The following HCN1 variants were observed in gnomAD, a reference collection of about 807,000 sequenced individuals.
HCN1 encodes hyperpolarization activated cyclic nucleotide gated potassium channel 1, also known as potassium/sodium hyperpolarization-activated cyclic nucleotide-gated channel 1.
A neutral mutation model predicts 78.9 loss-of-function variants in HCN1; 13 were observed. The observed-to-expected ratio is 0.16, with a 90% confidence interval of 0.11 to 0.26. The LOEUF is 0.26. Ranked by LOEUF, HCN1 falls within the 10% of genes least tolerant of loss-of-function variation. HCN1 has a pLI of 1.00. For missense variants in HCN1, 810 were observed against 1,154.3 expected (o/e 0.70, Z 4.32); for synonymous variants, 552 against 455.5 (o/e 1.21, Z -2.70).
At chr5:45,543,043 A>C (rs1158099274) in intron 2 of HCN1, among the ~76,000 whole-genome samples, 1 of 152,128 alleles carries the variant, frequency 6.6e-6, no homozygotes, top group Non-Finnish European at 1.5e-5. Flanking sequence ...GATGGTCCCC[A>C]AAGTTGCCAA....
intron 4 of HCN1, among the ~76,000 whole-genome samples, chr5:45,367,067 A>G (rs1021938996): frequency 2.6e-5 from 4 of 151,832 alleles, no homozygotes; most frequent in Non-Finnish European, 4.4e-5. Context: ...TATAAACACT[A>G]TAATGATCAT....
intron 4 of HCN1, among the ~76,000 whole-genome samples, chr5:45,363,487 C>G (rs1029535269): frequency 1.3e-5 from 2 of 151,860 alleles, no homozygotes; most frequent in Non-Finnish European, 2.9e-5. Context: ...CTACACAGTT[C>G]CTCAGAGAGT....
chr5:45,283,772 C>G (rs552248357), intron 6 of HCN1, among the ~76,000 whole-genome samples: 2 of 152,214 alleles, frequency 1.3e-5, no homozygotes, highest in Non-Finnish European at 1.5e-5. Context: ...ACCATTGGAA[C>G]CAGCTATCCC....
intron 5 of HCN1, among the ~76,000 whole-genome samples, chr5:45,329,454 A>G (rs1746303193): frequency 6.6e-6 from 1 of 151,298 alleles, no homozygotes; most frequent in Non-Finnish European, 1.5e-5. Flanking sequence ...ATTAGGAAAA[A>G]TCAAGGAAAA....
intron 2 of HCN1, among the ~76,000 whole-genome samples, chr5:45,604,631 T>A (rs1298629067): frequency 6.6e-6 from 1 of 151,824 alleles, no homozygotes; most frequent in Non-Finnish European, 1.5e-5. Flanking sequence ...TCAACCTTTT[T>A]AAAAAAATGA....
intron 6 of HCN1, among the ~76,000 whole-genome samples, chr5:45,287,871 G>A (rs191278786): frequency 5.1e-4 from 77 of 152,190 alleles, no homozygotes; most frequent in Middle Eastern, 3.4e-3. Context: ...CGCATCTACT[G>A]CTTTATACTA....
At chr5:45,553,256 C>T (rs1018561964) in intron 2 of HCN1, among the ~76,000 whole-genome samples, 6 of 151,718 alleles carry the variant, frequency 4.0e-5, no homozygotes, top group African/African-American at 1.5e-4. Flanking sequence ...CTTCTGAGGC[C>T]CCATTCATCT....
At chr5:45,283,951 C>T (rs1367763521) in intron 6 of HCN1, among the ~76,000 whole-genome samples, 2 of 152,110 alleles carry the variant, frequency 1.3e-5, no homozygotes. Flanking sequence ...TCATAGAATA[C>T]TATGCAGCCA....
chr5:45,608,229 A>G (rs1744761705), intron 2 of HCN1, among the ~76,000 whole-genome samples: 1 of 152,002 alleles, frequency 6.6e-6, no homozygotes, highest in South Asian at 2.1e-4. Flanking sequence ...GTAATACCTA[A>G]ATCAATAGAA....
At chr5:45,668,731 A>G (rs1746096620) in intron 1 of HCN1, among the ~76,000 whole-genome samples, 1 of 151,912 alleles carries the variant, frequency 6.6e-6, no homozygotes, top group Non-Finnish European at 1.5e-5. Flanking sequence ...CAAGTGTTAC[A>G]TTCTGTGACA....
intron 3 of HCN1, among the ~76,000 whole-genome samples, chr5:45,416,080 T>C (rs1218511809): frequency 1.3e-5 from 2 of 152,030 alleles, no homozygotes; most frequent in Non-Finnish European, 2.9e-5. Context: ...ATGCCTTTAG[T>C]AGTCTGATCA....
chr5:45,355,747 AC>A (rs1746995583), intron 4 of HCN1, among the ~76,000 whole-genome samples: 2 of 151,920 alleles, frequency 1.3e-5, no homozygotes. Flanking sequence ...GAGCCAGGAG[AC>A]TGATTAATTA....
At chr5:45,637,859 G>A (rs1745382854) in intron 2 of HCN1, among the ~76,000 whole-genome samples, 1 of 152,126 alleles carries the variant, frequency 6.6e-6, no homozygotes, top group Non-Finnish European at 1.5e-5. Flanking sequence ...ATATTGCATT[G>A]TATATTGACA....
chr5:45,566,525 C>T (rs1236547734), intron 2 of HCN1, among the ~76,000 whole-genome samples: 1 of 151,970 alleles, frequency 6.6e-6, no homozygotes, highest in African/African-American at 2.4e-5. Flanking sequence ...GCAGCTGCAG[C>T]TTTATACATC....
At position 45,484,837 on chromosome 5, in the gene HCN1, G is replaced by C. The variant is rs563971130; in HGVS notation, c.850-22830C>G. Among the ~76,000 whole-genome samples the C allele has an allele frequency of 2.0e-5, 3 of 152,268 alleles. No individual in the cohort carries two copies. In the South Asian group the frequency reaches 6.2e-4, roughly 32 times the overall value. Reference sequence around the variant, plus strand: ...AAAGTCAATGTGAATGTCAGTGTTTGGTCCAGAACTGAGTACTGATTTTGT... The same window carrying C: ...AAAGTCAATGTGAATGTCAGTGTTTCGTCCAGAACTGAGTACTGATTTTGT... On this transcript the variant is annotated intron_variant, in intron 2 of 7. Coordinates refer to ENST00000303230, the MANE Select transcript of HCN1 (RefSeq NM_021072.4).
intron 5 of HCN1, among the ~76,000 whole-genome samples, chr5:45,343,392 A>G (rs1746623564): frequency 6.6e-6 from 1 of 152,234 alleles, no homozygotes; most frequent in Non-Finnish European, 1.5e-5. Context: ...TGGAAGGCAA[A>G]CTAAGGGAAC....
At chr5:45,669,378 A>G (rs566319641) in intron 1 of HCN1, among the ~76,000 whole-genome samples, 27 of 151,858 alleles carry the variant, frequency 1.8e-4, no homozygotes, top group African/African-American at 6.3e-4. Context: ...ACATTTTGAG[A>G]GTAGATGTGG....
intron 2 of HCN1, among the ~76,000 whole-genome samples, chr5:45,493,387 CTCCAAG>C (rs917264767): frequency 2.2e-4 from 34 of 151,894 alleles, no homozygotes; most frequent in Non-Finnish European, 3.8e-4. Context: ...TTTCTAATGT[CTCCAAG>C]TCCATGATTT....
At chr5:45,350,799 C>G (rs1388728357) in intron 5 of HCN1, among the ~76,000 whole-genome samples, 2 of 151,990 alleles carry the variant, frequency 1.3e-5, no homozygotes, top group African/African-American at 4.8e-5. Context: ...AATAAAATAC[C>G]TGGGAATCCA....
Sources: gnomAD v4.1 joint callset for allele counts (sites outside exome capture counted in the v4.1 genomes callset) on GRCh38, gnomAD v4.1.1 for gene constraint, MANE v1.5 for transcripts, NCBI Gene and HGNC (gene_info 2026-07-23, HGNC 2026-07-21) for gene names.